TBC1D19: variants seen among roughly 807,000 people sequenced by gnomAD.
The protein encoded by TBC1D19 is TBC1 domain family, member 19.
A neutral mutation model predicts 89.0 loss-of-function variants in TBC1D19; 60 were observed. The observed-to-expected ratio is 0.67, with a 90% CI of 0.55 to 0.84. The LOEUF (loss-of-function observed/expected upper bound fraction) is 0.84. Among genes scored for constraint, TBC1D19 ranks in the 40% least tolerant of loss-of-function variants. The pLI, the probability that TBC1D19 is intolerant of heterozygous loss-of-function variation, is 0.00. For synonymous variants in TBC1D19, 189 were observed against 199.7 expected (o/e 0.95, Z 0.45); for missense variants, 500 against 610.8 (o/e 0.82, Z 1.91).
the TBC1D19 span, among the ~76,000 whole-genome samples, chr4:26,812,673 A>G: frequency 5.5e-4 from 84 of 152,106 alleles, no homozygotes; most frequent in African/African-American, 1.9e-3. The surrounding 1 kb of genome is among the most constrained non-coding windows in gnomAD (Gnocchi z 4.2). Flanking sequence ...TCTTTTTGCA[A>G]ACTAAATTGC....
chr4:26,702,085 T>G lies in TBC1D19; in HGVS notation c.954+13678T>G, dbSNP rs188339710. 3.2e-3 allele frequency among the ~76,000 whole-genome samples: 492 copies of G among 152,324 alleles called. 1 individual carries two copies. Among genetic ancestry groups the G allele is most frequent in the African/African-American group, 0.011 (458 of 41,576 alleles). On this transcript the variant is annotated intron_variant, in intron 13 of 20. Transcript: ENST00000264866. ...GGGCTTGACAGGTAATAAATCTGCC[T>G]CATTTGGTAAACAGAGTCAGTGAGG... is the stretch of plus-strand genomic sequence containing the variant.
chr4:26,672,262 C>T, intron 10 of TBC1D19, 75 bp downstream of exon 10: 3 of 1,160,924 alleles, frequency 2.6e-6, no homozygotes, highest in Non-Finnish European at 3.4e-6. Context: ...CTCAGATAAC[C>T]TCCAGGTGAA....
downstream of TBC1D19, among the ~76,000 whole-genome samples, chr4:26,758,287 A>G (rs950351975): frequency 6.6e-6 from 1 of 152,214 alleles, no homozygotes; most frequent in African/African-American, 2.4e-5. Context: ...GGAAGATGCA[A>G]GCAGAAATTT....
At chr4:26,800,056 G>A in the TBC1D19 span, among the ~76,000 whole-genome samples, 3 of 152,002 alleles carry the variant, frequency 2.0e-5, no homozygotes, top group Non-Finnish European at 4.4e-5. Context: ...TGCACAATGT[G>A]CAGGTTTGTT....
At chr4:26,663,117 T>G in intron 8 of TBC1D19, 1 of 152,168 alleles carries the variant, frequency 6.6e-6, no homozygotes, top group East Asian at 1.9e-4. Context: ...CTTGACCACA[T>G]GCAAAATTAT....
intron 9 of TBC1D19, among the ~76,000 whole-genome samples, chr4:26,666,702 C>T (rs1243019847): frequency 6.6e-6 from 1 of 151,898 alleles, no homozygotes; most frequent in South Asian, 2.1e-4. Context: ...TCCTGGCCAT[C>T]AGCATCTGTT....
intron 13 of TBC1D19, among the ~76,000 whole-genome samples, chr4:26,695,024 C>T (rs553311348): frequency 3.8e-4 from 58 of 152,234 alleles, no homozygotes; most frequent in Middle Eastern, 3.4e-3. Flanking sequence ...TCACCAGCAA[C>T]GGAAAAAAGC....
At chr4:26,827,805 C>T in the TBC1D19 span, among the ~76,000 whole-genome samples, 13 of 151,298 alleles carry the variant, frequency 8.6e-5, no homozygotes, top group African/African-American at 3.2e-4. Flanking sequence ...ACTGCAGCCT[C>T]GAACTCCTGG....
At chr4:26,748,068 T>A (rs886158233) in intron 18 of TBC1D19, among the ~76,000 whole-genome samples, 1 of 152,178 alleles carries the variant, frequency 6.6e-6, no homozygotes, top group African/African-American at 2.4e-5. Flanking sequence ...TATTATAGAT[T>A]GCCTGGAATT....
chr4:26,610,666 A>C (rs138735672), intron 1 of TBC1D19, among the ~76,000 whole-genome samples: 33 of 151,778 alleles, frequency 2.2e-4, no homozygotes, highest in African/African-American at 7.7e-4. Context: ...TGTGTACTCA[A>C]TGTTCAGTTT....
chr4:26,822,926 A>ACTCTACCCTTCCACT, the TBC1D19 span, among the ~76,000 whole-genome samples: 1 of 152,038 alleles, frequency 6.6e-6, no homozygotes, highest in Non-Finnish European at 1.5e-5. Flanking sequence ...CCTTGGGATC[A>ACTCTACCCTTCCACT]CTCTACCCTT....
At chr4:26,591,966 G>A (rs556361693) in intron 1 of TBC1D19, among the ~76,000 whole-genome samples, 2 of 152,214 alleles carry the variant, frequency 1.3e-5, no homozygotes, top group Non-Finnish European at 2.9e-5. Flanking sequence ...GAAAAAGAGG[G>A]AATCCTCCCT....
the TBC1D19 span, among the ~76,000 whole-genome samples, chr4:26,779,394 C>G: frequency 1.1e-4 from 16 of 152,208 alleles, no homozygotes; most frequent in Admixed American, 4.6e-4. Context: ...CTGGGCAGAC[C>G]CACCTAGGTG....
intron 1 of TBC1D19, among the ~76,000 whole-genome samples, chr4:26,604,937 T>A (rs1740886501): frequency 6.6e-6 from 1 of 152,012 alleles, no homozygotes; most frequent in Non-Finnish European, 1.5e-5. Context: ...AGTGTGCAAA[T>A]ATCTGAGTGT....
the TBC1D19 span, among the ~76,000 whole-genome samples, chr4:26,807,951 G>A: frequency 1.3e-5 from 2 of 152,066 alleles, no homozygotes; most frequent in Non-Finnish European, 2.9e-5. Context: ...ACTGAGGCAC[G>A]GGAGATGGAA....
chr4:26,675,946 C>G (rs575916133), intron 11 of TBC1D19, among the ~76,000 whole-genome samples: 17 of 152,064 alleles, frequency 1.1e-4, no homozygotes, highest in Non-Finnish European at 2.4e-4. Context: ...AAGAAGATTG[C>G]TTTTGTATAT....
At chr4:26,670,536 G>T (rs1712204716) in intron 9 of TBC1D19, among the ~76,000 whole-genome samples, 2 of 151,428 alleles carry the variant, frequency 1.3e-5, no homozygotes, top group South Asian at 4.2e-4. Context: ...AGTACTGCAG[G>T]TAATAGAAAA....
intron 15 of TBC1D19, among the ~76,000 whole-genome samples, chr4:26,734,934 GTGTATATATGTATACACATATGTATA>G (rs72014208): frequency 0.45 from 53,197 of 117,626 alleles, 11,422 homozygotes; most frequent in Middle Eastern, 0.53. Flanking sequence ...ACATATATGT[GTGTATATATGTATACACATATGTATA>G]TGTATATATG....
At chr4:26,622,837 C>T (rs1195153272) in intron 4 of TBC1D19, among the ~76,000 whole-genome samples, 1 of 152,150 alleles carries the variant, frequency 6.6e-6, no homozygotes, top group Non-Finnish European at 1.5e-5. Context: ...TATTTACTAT[C>T]TTCCCTTTCA....
Sources: allele counts gnomAD v4.1 joint callset (sites outside exome capture counted in the v4.1 genomes callset), GRCh38; gene constraint gnomAD v4.1.1; non-coding constraint Gnocchi (gnomAD v3.1); transcripts MANE v1.5; gene names NCBI Gene and HGNC (gene_info 2026-07-23, HGNC 2026-07-21).